EVL: variants seen among roughly 807,000 people sequenced by gnomAD.
The protein encoded by EVL is ena/VASP-like protein.
Under a neutral mutation model 59.6 loss-of-function variants are expected in EVL, and 21 were observed. The observed-to-expected ratio is 0.35, with a 90% CI of 0.25 to 0.51. The LOEUF is 0.51. EVL is among the 20% of genes least tolerant of loss of function. The pLI, the probability that EVL is intolerant of heterozygous loss-of-function variation, is 0.97. For missense variants in EVL, 462 were observed against 546.6 expected (o/e 0.85, Z 1.54); for synonymous variants, 198 against 203.5 (o/e 0.97, Z 0.23).
At chr14:100,065,224 G>A, upstream of EVL, 1 of 210,614 alleles carries the variant, frequency 4.7e-6, no homozygotes, top group Non-Finnish European at 9.4e-6. Flanking sequence ...GCCAGCTGTG[G>A]GGGGTTGGGC....
At chr14:100,043,975 TGTAAA>T (rs936367882) in intron 1 of EVL, among the ~76,000 whole-genome samples, 3 of 152,130 alleles carry the variant, frequency 2.0e-5, no homozygotes, top group African/African-American at 7.2e-5. Context: ...TTATGGAGGT[TGTAAA>T]GTCCTACGAT....
intron 1 of EVL, among the ~76,000 whole-genome samples, chr14:100,038,508 T>C (rs2140229209): frequency 6.6e-6 from 1 of 152,358 alleles, no homozygotes; most frequent in East Asian, 1.9e-4. Flanking sequence ...TAGTCCCAAA[T>C]CAGGATACTG....
At position 99,972,417 on chromosome 14, in the gene EVL, A is replaced by G. The variant is rs915595904; in HGVS notation, c.5+360A>G. ...GGTGTGGCCGTGTCCCGACCGCGCG[A>G]GGACCGAAGTTGGCGGAAGCCCCTG... On this transcript the variant is annotated intron_variant, in intron 1 of 13. Transcript: ENST00000402714. This position sits in a 1 kb window ranked among gnomAD's most constrained non-coding sequence, Gnocchi z 4.4. Among the ~76,000 whole-genome samples the G allele has an allele frequency of 6.6e-6, 1 of 152,040 alleles. No individual in the cohort carries two copies. Among genetic ancestry groups the G allele is most frequent in the Non-Finnish European group, 1.5e-5 (1 of 67,988 alleles).
Position 100,126,699 on chromosome 14 carries a change from C to T in EVL, c.423-8C>T. Reference sequence around the variant, plus strand: ...GAGTCAGACTGCCCTGCTGTGATTACTTTCCAGACAAGTGATGGAGCAGCA... The same window carrying T: ...GAGTCAGACTGCCCTGCTGTGATTATTTTCCAGACAAGTGATGGAGCAGCA... On this transcript the variant is annotated splice_region_variant and splice_polypyrimidine_tract_variant and intron_variant, in intron 4 of 13. Coordinates refer to ENST00000392920, the MANE Select transcript of EVL (RefSeq NM_016337.3). 1 of 1,614,086 alleles carries T rather than the reference C, an allele frequency of 6.2e-7. No homozygotes were observed. Among genetic ancestry groups the T allele is most frequent in the African/African-American group, 1.3e-5 (1 of 75,042 alleles).
intron 1 of EVL, among the ~76,000 whole-genome samples, chr14:100,031,809 G>A (rs561399397): frequency 2.6e-5 from 4 of 152,192 alleles, no homozygotes; most frequent in Non-Finnish European, 2.9e-5. Flanking sequence ...GAGAAAAGAC[G>A]ATTTACTTTC....
intron 1 of EVL, among the ~76,000 whole-genome samples, chr14:100,081,487 A>G (rs1327372431): frequency 6.7e-6 from 1 of 148,422 alleles, no homozygotes; most frequent in Non-Finnish European, 1.5e-5. Flanking sequence ...CACAAGTTTA[A>G]TTTGAACCTA....
At chr14:100,131,660 T>G (rs920563400) in intron 7 of EVL, among the ~76,000 whole-genome samples, 12 of 152,060 alleles carry the variant, frequency 7.9e-5, no homozygotes, top group African/African-American at 2.9e-4. Flanking sequence ...GGGTAGCTGG[T>G]GAGGTGTAAG....
rs1355068259 is a variant in EVL, at chr14:100,109,214, C to T, written c.358+11556C>T. On this transcript the variant is annotated intron_variant, in intron 3 of 13. Transcript: ENST00000392920. This position sits in a 1 kb window ranked among gnomAD's most constrained non-coding sequence, Gnocchi z 4.3. The stretch of plus-strand genomic sequence containing the variant: ...TGTTGTAATGGGGTTGTAACCCATC[C>T]ACCTTCTCTTGTCCTTCTTCAGTCT... Among the ~76,000 whole-genome samples the T allele has an allele frequency of 2.6e-5, 4 of 152,246 alleles. No individual in the cohort carries two copies. Among genetic ancestry groups the T allele is most frequent in the Non-Finnish European group, 4.4e-5 (3 of 68,054 alleles).
intron 3 of EVL, among the ~76,000 whole-genome samples, chr14:100,110,556 G>C (rs975154543): frequency 7.2e-5 from 11 of 152,016 alleles, no homozygotes; most frequent in African/African-American, 2.7e-4. Flanking sequence ...ATCTGATGAG[G>C]AGGAGGACGG....
At chr14:100,076,350 T>TGGTCTTGGACCTCTAGA (rs2062160815) in intron 1 of EVL, among the ~76,000 whole-genome samples, 1 of 152,206 alleles carries the variant, frequency 6.6e-6, no homozygotes, top group Admixed American at 6.5e-5. Flanking sequence ...ATCTACACTG[T>TGGTCTTGGACCTCTAGA]GGTCTTGGAC....
chr14:100,132,999 G>A (rs1022498315), intron 8 of EVL, among the ~76,000 whole-genome samples: 1 of 152,310 alleles, frequency 6.6e-6, no homozygotes, highest in East Asian at 1.9e-4. Context: ...ACCAGACACT[G>A]CTCCACCCTT....
In EVL at chr14:100,092,706, G is replaced by T. The variant is rs149192426; in HGVS notation, c.181-4775G>T. ...GCTGAGATTGTGCCATTACACTCCA[G>T]CCTGGGTGACAGGAGCGAAACTCCA... On this transcript the variant is annotated intron_variant, in intron 2 of 13. Coordinates refer to ENST00000392920, the MANE Select transcript of EVL (RefSeq NM_016337.3). 9.3e-4 allele frequency among the ~76,000 whole-genome samples: 141 copies of T among 152,312 alleles called. 2 individuals carry two copies. The East Asian group carries it at 0.021, about 23-fold the overall frequency.
At chr14:100,124,544 C>A (rs1887906193) in intron 4 of EVL, among the ~76,000 whole-genome samples, 1 of 152,192 alleles carries the variant, frequency 6.6e-6, no homozygotes, top group South Asian at 2.1e-4. Context: ...TTACTGTTGT[C>A]CCCATGAGCC....
chr14:100,054,701 C>T (rs2061699663), intron 1 of EVL, among the ~76,000 whole-genome samples: 1 of 152,174 alleles, frequency 6.6e-6, no homozygotes, highest in Non-Finnish European at 1.5e-5. Flanking sequence ...GTGGCCTGTG[C>T]CTTCCCCTGG....
At chr14:100,143,411 C>A (rs1194738971) in intron 13 of EVL, among the ~76,000 whole-genome samples, 1 of 152,160 alleles carries the variant, frequency 6.6e-6, no homozygotes, top group Non-Finnish European at 1.5e-5. Context: ...TGGTGCCCAG[C>A]ACTCCTCAGC....
At position 100,108,209 on chromosome 14, in the gene EVL, G is replaced by A. The variant is rs933179817; in HGVS notation, c.358+10551G>A. 9 of 152,214 alleles carry A rather than the reference G, an allele frequency of 5.9e-5. No homozygotes were observed. Among genetic ancestry groups the A allele is most frequent in the African/African-American group, 2.2e-4 (9 of 41,452 alleles). 9.4% of individuals were successfully genotyped at this position (152,214 alleles called of 1,614,324 possible). ...GGGACTTACAGGCAGACCTTCCCGG[G>A]AAGAGTCAGGCCCAGCTCCATGTGC... On this transcript the variant is annotated intron_variant, in intron 3 of 13. Transcript: ENST00000392920. The surrounding 1 kb of genome is among the most constrained non-coding windows in gnomAD (Gnocchi z 4.1).
intron 1 of EVL, among the ~76,000 whole-genome samples, chr14:99,993,081 G>A (rs1193420135): frequency 2.2e-5 from 3 of 139,200 alleles, no homozygotes; most frequent in South Asian, 2.2e-4. Flanking sequence ...TTTTTGAGAC[G>A]GAGTCTTGCT....
intron 3 of EVL, chr14:100,106,695 G>T: frequency 2.5e-6 from 1 of 397,578 alleles, no homozygotes; most frequent in Non-Finnish European, 4.4e-6. Context: ...ATAAAAAGAG[G>T]ACCATCGGGC....
chr14:100,019,333 C>T (rs895030880), intron 1 of EVL: 3 of 281,904 alleles, frequency 1.1e-5, no homozygotes, highest in Admixed American at 5.4e-5. Context: ...ATGCTTTACC[C>T]AGGATCCCAG....
Sources: allele counts gnomAD v4.1 joint callset (sites outside exome capture counted in the v4.1 genomes callset), GRCh38; gene constraint gnomAD v4.1.1; non-coding constraint Gnocchi (gnomAD v3.1); transcripts MANE v1.5; gene names NCBI Gene and HGNC (gene_info 2026-07-23, HGNC 2026-07-21).